Variants in ARL8B observed in about 807,000 individuals in gnomAD.
ARL8B encodes ARF like GTPase 8B.
Under a neutral mutation model 30.6 loss-of-function variants are expected in ARL8B, and 9 were observed. That is an observed-to-expected ratio of 0.29 (90% CI 0.18 to 0.51). ARL8B has a LOEUF of 0.51. Among genes scored for constraint, ARL8B ranks in the 20% least tolerant of loss-of-function variants. The pLI, the probability that ARL8B is intolerant of heterozygous loss-of-function variation, is 0.97. For synonymous variants in ARL8B, 74 were observed against 76.0 expected, an observed-to-expected ratio of 0.97 and a Z score of 0.14; for missense variants, 130 against 227.2, an observed-to-expected ratio of 0.57 and a Z score of 2.75.
chr3:5,128,477 C>T (rs751421287), intron 1 of ARL8B: 151 of 454,622 alleles, frequency 3.3e-4, no homozygotes, highest in Non-Finnish European at 5.7e-4. Context: ...ATCTTGAAAG[C>T]CAAATGTTCT....
intron 1 of ARL8B, among the ~76,000 whole-genome samples, chr3:5,154,477 G>A (rs2054515178): frequency 6.6e-6 from 1 of 151,758 alleles, no homozygotes; most frequent in African/African-American, 2.4e-5. Context: ...TGGGACTATA[G>A]GCATCCACTA....
intron 1 of ARL8B, among the ~76,000 whole-genome samples, chr3:5,138,563 A>G (rs1373758642): frequency 6.6e-6 from 1 of 152,156 alleles, no homozygotes; most frequent in Non-Finnish European, 1.5e-5. Flanking sequence ...TAAGCCAATT[A>G]CATATGGCTT....
chr3:5,174,716 T>A (rs13070388), intron 6 of ARL8B, among the ~76,000 whole-genome samples: 3 of 68,642 alleles, frequency 4.4e-5, no homozygotes, highest in East Asian at 6.4e-4. Context: ...GTAATATGTA[T>A]TATATATTAT....
intron 1 of ARL8B, among the ~76,000 whole-genome samples, chr3:5,164,506 T>C (rs1559284420): frequency 6.6e-6 from 1 of 152,240 alleles, no homozygotes; most frequent in Non-Finnish European, 1.5e-5. Context: ...AGGATCAAAC[T>C]GTGGTTAACA....
rs540453655 is a variant in ARL8B, at chr3:5,180,698, G to A, written c.*1985G>A. 8.5e-5 allele frequency: 13 copies of A among 152,704 alleles called. No homozygotes were observed. The highest frequency in any genetic ancestry group is 2.6e-4 in the African/African-American group (11 of 41,558). 9.5% of individuals were successfully genotyped at this position (152,704 alleles called of 1,614,324 possible). The stretch of plus-strand genomic sequence containing the variant: ...ATTTAGGTGGATGCATTTTTTGTCT[G>A]TTTACTGCTCTTCTCAGCTTTATTC... On this transcript the variant is annotated 3_prime_UTR_variant, in exon 7 of 7. Coordinates refer to ENST00000256496, the MANE Select transcript of ARL8B (RefSeq NM_018184.3).
At chr3:5,159,116 C>T (rs1449624975) in intron 1 of ARL8B, among the ~76,000 whole-genome samples, 1 of 151,376 alleles carries the variant, frequency 6.6e-6, no homozygotes, top group Non-Finnish European at 1.5e-5. Context: ...CCACGCCTGG[C>T]TCAAATTTTG....
intron 1 of ARL8B, among the ~76,000 whole-genome samples, chr3:5,147,723 A>C (rs912865528): frequency 6.6e-5 from 10 of 151,740 alleles, no homozygotes; most frequent in African/African-American, 1.9e-4. Context: ...TCAGTTTTTT[A>C]TTCTATCCAT....
intron 1 of ARL8B, among the ~76,000 whole-genome samples, chr3:5,159,359 T>C (rs2054560222): frequency 6.6e-6 from 1 of 150,618 alleles, no homozygotes; most frequent in Non-Finnish European, 1.5e-5. Context: ...TCCCAGCACT[T>C]TGGGAGGCCG....
At position 5,172,231 on chromosome 3, in the gene ARL8B, GT is replaced by G. The variant is rs552473513; in HGVS notation, c.278+17del. The G allele has an allele frequency of 1.4e-4, 229 of 1,588,324 alleles. No individual in the cohort carries two copies. Among genetic ancestry groups the G allele is most frequent in the South Asian group, 4.9e-4 (43 of 87,130 alleles). ...AGGAGTCAATGCTATTGTGTAAGTG[GT>G]TTTTTTTTGTTTGTTTGCTTTTAAA... On this transcript the variant is annotated intron_variant, in intron 3 of 6. Transcript: ENST00000256496.
intron 1 of ARL8B, among the ~76,000 whole-genome samples, chr3:5,134,712 G>C (rs1020731709): frequency 1.3e-5 from 2 of 152,162 alleles, no homozygotes; most frequent in Non-Finnish European, 2.9e-5. Context: ...AGCCCAGTTA[G>C]GTTCTTTGAT....
intron 1 of ARL8B, among the ~76,000 whole-genome samples, chr3:5,132,137 C>G (rs891034394): frequency 6.6e-6 from 1 of 152,208 alleles, no homozygotes; most frequent in African/African-American, 2.4e-5. Context: ...TGTCCTCCTT[C>G]CTTGGCCTCC....
In ARL8B at chr3:5,172,231, G is replaced by GT. The variant is rs552473513; in HGVS notation, c.278+17dup. ...AGGAGTCAATGCTATTGTGTAAGTGGTTTTTTTTTGTTTGTTTGCTTTTAA... is the reference window on the plus strand; with the variant it reads ...AGGAGTCAATGCTATTGTGTAAGTGGTTTTTTTTTTGTTTGTTTGCTTTTAA... On this transcript the variant is annotated intron_variant, in intron 3 of 6. Coordinates refer to ENST00000256496, the MANE Select transcript of ARL8B (RefSeq NM_018184.3). 751 of 1,583,476 alleles carry GT rather than the reference G, an allele frequency of 4.7e-4. No individual in the cohort carries two copies. Among genetic ancestry groups the GT allele is most frequent in the South Asian group, 8.2e-4 (71 of 86,696 alleles).
rs760445533 is a variant in ARL8B, at chr3:5,166,042, CTTTTT to C, written c.124-4449_124-4445del. Among the ~76,000 whole-genome samples, 259 of 140,648 alleles carry C rather than the reference CTTTTT, an allele frequency of 1.8e-3. 1 individual carries two copies. The highest frequency in any genetic ancestry group is 4.9e-3 in the Admixed American group (68 of 13,924). 92.3% of individuals were successfully genotyped at this position (140,648 alleles called of 152,430 possible). A position where few individuals can be genotyped will look rare whatever the true frequency, so the allele number is the denominator to read the frequency against. On this transcript the variant is annotated intron_variant, in intron 1 of 6. Transcript: ENST00000256496. ...ACCCGTTTCTATTGTCTTAAGATAT[CTTTTT>C]TTTTTTTTTTTGAGACGGAGTCTTG...
chr3:5,133,449 T>C (rs1291157744), intron 1 of ARL8B, among the ~76,000 whole-genome samples: 3 of 152,130 alleles, frequency 2.0e-5, no homozygotes, highest in Non-Finnish European at 2.9e-5. Flanking sequence ...CGCATTATTA[T>C]GGAAATAGGA....
At chr3:5,147,243 C>T (rs1052791151) in intron 1 of ARL8B, among the ~76,000 whole-genome samples, 4 of 152,120 alleles carry the variant, frequency 2.6e-5, no homozygotes, top group Admixed American at 2.6e-4. Context: ...TTGTTCAGTT[C>T]CCACCTATGA....
At chr3:5,153,427 T>C (rs1252890156) in intron 1 of ARL8B, among the ~76,000 whole-genome samples, 5 of 152,148 alleles carry the variant, frequency 3.3e-5, no homozygotes, top group Non-Finnish European at 5.9e-5. Context: ...CTGCCATCCA[T>C]GTAAGAGTGA....
chr3:5,153,198 C>T (rs535636793), intron 1 of ARL8B, among the ~76,000 whole-genome samples: 1 of 152,194 alleles, frequency 6.6e-6, no homozygotes, highest in South Asian at 2.1e-4. Context: ...ATATTGTAGT[C>T]ATTATCGGTA....
intron 2 of ARL8B, 120 bp from the exon 3 acceptor site, chr3:5,172,030 T>C (rs975302818): frequency 6.1e-5 from 55 of 903,332 alleles, no homozygotes; most frequent in Non-Finnish European, 9.1e-5. Context: ...CAGGAGCACT[T>C]TGCCTCTAAC....
chr3:5,152,140 T>TCTA (rs1325745284), intron 1 of ARL8B, among the ~76,000 whole-genome samples: 22 of 152,322 alleles, frequency 1.4e-4, no homozygotes, highest in African/African-American at 4.8e-4. Flanking sequence ...TGTGGTAAGT[T>TCTA]CTACATCCTT....
Sources: allele counts gnomAD v4.1 joint callset (sites outside exome capture counted in the v4.1 genomes callset), GRCh38; gene constraint gnomAD v4.1.1; transcripts MANE v1.5; gene names NCBI Gene and HGNC (gene_info 2026-07-23, HGNC 2026-07-21).